MCC: variants seen among roughly 807,000 people sequenced by gnomAD.
MCC encodes the protein MCC regulator of Wnt signaling pathway.
MCC carries 90 observed loss-of-function variants against 116.2 expected under a neutral mutation model. The observed-to-expected ratio is 0.77, with a 90% confidence interval of 0.65 to 0.92. The LOEUF (loss-of-function observed/expected upper bound fraction) is 0.92. Ranked by LOEUF, MCC falls within the 40% of genes least tolerant of loss-of-function variation. The pLI is 0.00. For synonymous variants in MCC, 578 were observed against 510.5 expected (o/e 1.13, Z -1.78); for missense variants, 1,516 against 1,312.2 (o/e 1.16, Z -2.40).
intron 3 of MCC, among the ~76,000 whole-genome samples, chr5:113,216,387 C>G (rs905174021): frequency 1.3e-5 from 2 of 152,174 alleles, no homozygotes; most frequent in Non-Finnish European, 2.9e-5. Context: ...TGCTTTTTAA[C>G]CTGACACGTT....
intron 14 of MCC, among the ~76,000 whole-genome samples, chr5:113,055,799 C>G (rs1326905853): frequency 6.6e-6 from 1 of 152,174 alleles, no homozygotes; most frequent in South Asian, 2.1e-4. Context: ...CATGTGATTA[C>G]CATTAAAATC....
chr5:113,263,439 C>T (rs1055024901), intron 3 of MCC, among the ~76,000 whole-genome samples: 16 of 152,180 alleles, frequency 1.1e-4, no homozygotes, highest in African/African-American at 3.9e-4. Flanking sequence ...GGCCCTGATT[C>T]ACTTGGACAG....
intron 1 of MCC, among the ~76,000 whole-genome samples, chr5:113,460,514 G>A (rs1028617629): frequency 6.6e-6 from 1 of 152,168 alleles, no homozygotes; most frequent in African/African-American, 2.4e-5. Context: ...GTGGGTCAGA[G>A]AACTAACTTC....
intron 2 of MCC, among the ~76,000 whole-genome samples, chr5:113,352,565 T>C (rs1768299345): frequency 6.6e-6 from 1 of 152,138 alleles, no homozygotes; most frequent in Non-Finnish European, 1.5e-5. Flanking sequence ...ACAAAAATCT[T>C]TGCTGTAAAG....
At chr5:113,184,283 T>C (rs528148083) in intron 3 of MCC, among the ~76,000 whole-genome samples, 14 of 152,204 alleles carry the variant, frequency 9.2e-5, no homozygotes, top group Non-Finnish European at 1.8e-4. Flanking sequence ...TACATCAGCA[T>C]CTGATTCTTT....
At chr5:113,222,757 G>A (rs926612743) in intron 3 of MCC, among the ~76,000 whole-genome samples, 2 of 152,142 alleles carry the variant, frequency 1.3e-5, no homozygotes, top group Non-Finnish European at 2.9e-5. Context: ...ACTCTGCTAG[G>A]AGCTGGGAAT....
intron 1 of MCC, among the ~76,000 whole-genome samples, chr5:113,444,836 AC>A (rs2150417284): frequency 6.6e-6 from 1 of 152,344 alleles, no homozygotes; most frequent in East Asian, 1.9e-4. Flanking sequence ...GATAACAACA[AC>A]AACAATAGTA....
chr5:113,038,701 C>T (rs889660829), intron 17 of MCC, among the ~76,000 whole-genome samples: 6 of 152,010 alleles, frequency 3.9e-5, no homozygotes, highest in South Asian at 2.1e-4. Flanking sequence ...ATCGATCACA[C>T]TGACCAGACA....
intron 1 of MCC, among the ~76,000 whole-genome samples, chr5:113,393,031 G>C (rs1197721561): frequency 1.3e-5 from 2 of 151,564 alleles, no homozygotes; most frequent in Non-Finnish European, 2.9e-5. Flanking sequence ...TTAATCAAAG[G>C]TTTAAAAATA....
chr5:113,433,894 C>T (rs1009118857), intron 1 of MCC: 3 of 1,613,876 alleles, frequency 1.9e-6, no homozygotes, highest in African/African-American at 2.7e-5. Flanking sequence ...TGTGCCTCTC[C>T]CTCAGGCTCC....
In MCC at chr5:113,028,824, T is replaced by C. The variant is rs977750123; in HGVS notation, c.2879+110A>G. 5 of 1,321,330 alleles carry C rather than the reference T, an allele frequency of 3.8e-6. No individual in the cohort carries two copies. The Admixed American group carries it at 1.1e-4, about 28-fold the overall frequency. The allele number at this position is 1,321,330 out of a possible 1,614,324, so 81.9% of individuals were successfully genotyped here. A position where few individuals can be genotyped will look rare whatever the true frequency, so the allele number is the denominator to read the frequency against. The stretch of plus-strand genomic sequence containing the variant: ...GACTCACCCACTTTCTAGAGTTAGT[T>C]CTTAAGAGTTAGGGAAATGTCCATC... On this transcript the variant is annotated intron_variant, in intron 18 of 18. Transcript: ENST00000408903.
chr5:113,062,768 G>A (rs1392776429), intron 14 of MCC, among the ~76,000 whole-genome samples: 2 of 152,216 alleles, frequency 1.3e-5, no homozygotes, highest in African/African-American at 4.8e-5. Context: ...ACCTGGCTGA[G>A]TGCATTACTG....
intron 12 of MCC, among the ~76,000 whole-genome samples, chr5:113,070,170 A>G (rs566424466): frequency 6.6e-6 from 1 of 152,188 alleles, no homozygotes. Context: ...GGTCTCATTC[A>G]TTTTGCTTTG....
chr5:113,400,780 T>C (rs1769662137), intron 1 of MCC, among the ~76,000 whole-genome samples: 1 of 152,220 alleles, frequency 6.6e-6, no homozygotes, highest in Admixed American at 6.5e-5. Context: ...CTTAAACAGC[T>C]TGGTGGATGA....
chr5:113,305,103 G>A (rs535043467), intron 3 of MCC, among the ~76,000 whole-genome samples: 137 of 152,154 alleles, frequency 9.0e-4, no homozygotes, highest in African/African-American at 3.2e-3. Context: ...GGTGAAGGAA[G>A]GTCTGAGGCA....
At chr5:113,424,668 G>A (rs1274295816) in intron 1 of MCC, among the ~76,000 whole-genome samples, 1 of 152,124 alleles carries the variant, frequency 6.6e-6, no homozygotes, top group Admixed American at 6.5e-5. Flanking sequence ...AGCTGAGATT[G>A]TGCCATTGTA....
Position 113,026,297 on chromosome 5 carries a change from G to A in MCC, c.*1005C>T, listed in dbSNP as rs1750544302. The stretch of plus-strand genomic sequence containing the variant: ...TTACACAGCACTCTTAAGTAGGCGT[G>A]ATAAGTTTTGCAAAATGTTCAGTAT... On this transcript the variant is annotated 3_prime_UTR_variant, in exon 19 of 19. Coordinates refer to ENST00000408903, the MANE Select transcript of MCC (RefSeq NM_001085377.2). 1 of 152,346 alleles carries A rather than the reference G, an allele frequency of 6.6e-6. No homozygotes were observed. The highest frequency in any genetic ancestry group is 1.5e-5 in the Non-Finnish European group (1 of 68,042). The allele number at this position is 152,346 out of a possible 1,614,324, so 9.4% of individuals were successfully genotyped here.
intron 6 of MCC, among the ~76,000 whole-genome samples, chr5:113,118,101 T>C (rs749942193): frequency 4.6e-5 from 7 of 152,216 alleles, no homozygotes; most frequent in Non-Finnish European, 8.8e-5. Flanking sequence ...AACTTCATTA[T>C]CCTGATTTTA....
intron 2 of MCC, among the ~76,000 whole-genome samples, chr5:113,349,171 G>A (rs1768205823): frequency 6.6e-6 from 1 of 151,998 alleles, no homozygotes; most frequent in Middle Eastern, 3.4e-3. Context: ...AAAAATAGAG[G>A]AGGATAGAAC....
Sources: allele counts gnomAD v4.1 joint callset (sites outside exome capture counted in the v4.1 genomes callset), GRCh38; gene constraint gnomAD v4.1.1; transcripts MANE v1.5; gene names NCBI Gene and HGNC (gene_info 2026-07-23, HGNC 2026-07-21).